Variants in RCSD1 observed in about 807,000 individuals in gnomAD.
The protein encoded by RCSD1 is capZ-interacting protein.
In RCSD1, 26 loss-of-function variants were observed where a neutral mutation model predicts 42.5. That is an observed-to-expected ratio of 0.61 (90% CI 0.45 to 0.85). The LOEUF is 0.85. Ranked by LOEUF, RCSD1 falls within the 40% of genes least tolerant of loss-of-function variation. RCSD1 has a pLI of 0.00. For synonymous variants in RCSD1, 220 were observed against 212.2 expected (o/e 1.04, Z -0.32); for missense variants, 571 against 528.3 (o/e 1.08, Z -0.79).
intron 3 of RCSD1, 52 bp downstream of exon 3, chr1:167,685,562 C>T (rs1368590596): frequency 6.6e-7 from 1 of 1,504,420 alleles, no homozygotes; most frequent in Non-Finnish European, 9.2e-7. Context: ...TTTCTTTCCT[C>T]TTCTTGAGGA....
At chr1:167,703,956 C>T (rs953664608) in intron 6 of RCSD1, among the ~76,000 whole-genome samples, 1 of 152,124 alleles carries the variant, frequency 6.6e-6, no homozygotes, top group Admixed American at 6.5e-5. Flanking sequence ...AGGACAAATG[C>T]CCCCCTGCTC....
intron 1 of RCSD1, among the ~76,000 whole-genome samples, chr1:167,659,047 G>A (rs1250373289): frequency 2.0e-5 from 3 of 151,954 alleles, no homozygotes; most frequent in Non-Finnish European, 4.4e-5. Flanking sequence ...TTCCCCAACC[G>A]CAATTGCTAT....
At chr1:167,671,408 T>G (rs1658803374) in intron 1 of RCSD1, among the ~76,000 whole-genome samples, 1 of 152,068 alleles carries the variant, frequency 6.6e-6, no homozygotes, top group Non-Finnish European at 1.5e-5. Flanking sequence ...TTGCCAGAGG[T>G]TCTTTCTTTC....
At chr1:167,639,182 A>T (rs1420325647) in intron 1 of RCSD1, among the ~76,000 whole-genome samples, 2 of 152,176 alleles carry the variant, frequency 1.3e-5, no homozygotes, top group African/African-American at 4.8e-5. Context: ...ACGCCACTGC[A>T]CTCCAGCCTG....
chr1:167,690,961 C>T (rs1003187103), intron 4 of RCSD1, among the ~76,000 whole-genome samples: 2 of 152,178 alleles, frequency 1.3e-5, no homozygotes, highest in East Asian at 1.9e-4. Flanking sequence ...AAGCAGAAGA[C>T]ACTGGTCCTG....
chr1:167,643,288 A>G (rs890388071), intron 1 of RCSD1, among the ~76,000 whole-genome samples: 5 of 152,220 alleles, frequency 3.3e-5, no homozygotes, highest in African/African-American at 1.2e-4. Context: ...CTCTGTGCCT[A>G]GTGGAAGGTG....
Position 167,707,582 on chromosome 1 carries a change from C to CT in RCSD1, c.*2896dup, listed in dbSNP as rs892163959. 8.0e-5 allele frequency among the ~76,000 whole-genome samples: 12 copies of CT among 149,714 alleles called. No individual in the cohort carries two copies. Among genetic ancestry groups the CT allele is most frequent in the East Asian group, 2.0e-4 (1 of 5,126 alleles). Reference sequence around the variant, plus strand: ...TGCTTTCCCTCGTATTGGCCATATTCTTTTTTTTTTCTTTTTTAAAAACTT... The same window carrying CT: ...TGCTTTCCCTCGTATTGGCCATATTCTTTTTTTTTTTCTTTTTTAAAAACTT... On this transcript the variant is annotated 3_prime_UTR_variant, in exon 7 of 7. Transcript: ENST00000367854.
At chr1:167,661,767 A>G (rs1467632366) in intron 1 of RCSD1, among the ~76,000 whole-genome samples, 1 of 152,254 alleles carries the variant, frequency 6.6e-6, no homozygotes, top group Non-Finnish European at 1.5e-5. Context: ...CCAGTATCCA[A>G]AAAGAGATTC....
At chr1:167,685,922 C>T (rs143002078) in intron 3 of RCSD1, among the ~76,000 whole-genome samples, 17 of 152,184 alleles carry the variant, frequency 1.1e-4, no homozygotes, top group Non-Finnish European at 1.8e-4. Context: ...TAGGGCAGGA[C>T]GGAAGCATGA....
In RCSD1 at chr1:167,630,375, C is replaced by T. The variant is rs1194641844; in HGVS notation, c.-49C>T. On this transcript the variant is annotated 5_prime_UTR_variant, in exon 1 of 7. Transcript: ENST00000367854. Reference sequence around the variant, plus strand: ...AGGGGACAGCGGGGATCGTGAGCTCCGGCCCGGGCGAGCGGGTGCGTCTGC... The same window carrying T: ...AGGGGACAGCGGGGATCGTGAGCTCTGGCCCGGGCGAGCGGGTGCGTCTGC... 8.1e-6 allele frequency: 12 copies of T among 1,487,502 alleles called. No homozygotes were observed. Among genetic ancestry groups the T allele is most frequent in the Non-Finnish European group, 1.1e-5 (12 of 1,111,724 alleles). The allele number at this position is 1,487,502 out of a possible 1,614,324, so 92.1% of individuals were successfully genotyped here. A position where few individuals can be genotyped will look rare whatever the true frequency, so the allele number is the denominator to read the frequency against.
intron 1 of RCSD1, among the ~76,000 whole-genome samples, chr1:167,680,514 C>T (rs1659055457): frequency 6.6e-6 from 1 of 151,696 alleles, no homozygotes; most frequent in African/African-American, 2.4e-5. Context: ...CTCTGTTGCC[C>T]CAGGCAGGAG....
chr1:167,651,036 G>C (rs915742501), intron 1 of RCSD1, among the ~76,000 whole-genome samples: 1 of 152,296 alleles, frequency 6.6e-6, no homozygotes, highest in African/African-American at 2.4e-5. Flanking sequence ...GTCTTCACGT[G>C]GTCTTCTCTC....
chr1:167,630,494 G>A lies in RCSD1; in HGVS notation c.6+65G>A, dbSNP rs1285710104. 10 of 1,460,686 alleles carry A rather than the reference G, an allele frequency of 6.8e-6. No individual in the cohort carries two copies. The Admixed American group carries it at 9.4e-5, about 14-fold the overall frequency. The allele number at this position is 1,460,686 out of a possible 1,614,324, so 90.5% of individuals were successfully genotyped here. ...GCGGTGTATCGGGCGCCCCTTCCCC[G>A]GGCGGCTGCCCCTGCCCTGAGCATG... On this transcript the variant is annotated intron_variant, in intron 1 of 6. Coordinates refer to ENST00000367854, the MANE Select transcript of RCSD1 (RefSeq NM_052862.4).
At chr1:167,678,436 A>G (rs977122299) in intron 1 of RCSD1, among the ~76,000 whole-genome samples, 1 of 126,158 alleles carries the variant, frequency 7.9e-6, no homozygotes, top group Non-Finnish European at 1.6e-5. Flanking sequence ...CAAATACCCC[A>G]TGCATCCCGT....
intron 1 of RCSD1, among the ~76,000 whole-genome samples, chr1:167,679,494 T>A (rs1659028528): frequency 6.6e-6 from 1 of 152,206 alleles, no homozygotes. Flanking sequence ...TCAGAGAGAT[T>A]CTATGGTGGT....
In RCSD1 at chr1:167,677,038, A is replaced by C. The variant is rs78797689; in HGVS notation, c.7-6862A>C. ...GGACCTGCCATTTTCAGATCCTTAA[A>C]GCCTACAAGTGGTTAGGTAGGGGAC... On this transcript the variant is annotated intron_variant, in intron 1 of 6. Transcript: ENST00000367854. Among the ~76,000 whole-genome samples the C allele has an allele frequency of 7.0e-3, 1,060 of 152,350 alleles. 9 individuals carry two copies. Among genetic ancestry groups the C allele is most frequent in the African/African-American group, 0.024 (1,010 of 41,574 alleles).
intron 1 of RCSD1, among the ~76,000 whole-genome samples, chr1:167,646,656 A>G (rs961961051): frequency 3.9e-5 from 6 of 152,100 alleles, no homozygotes; most frequent in Admixed American, 1.3e-4. Flanking sequence ...TGCATTAGCT[A>G]TTGTCCTGAT....
At chr1:167,636,423 C>A (rs145575341) in intron 1 of RCSD1, among the ~76,000 whole-genome samples, 1 of 152,220 alleles carries the variant, frequency 6.6e-6, no homozygotes, top group Admixed American at 6.5e-5. Flanking sequence ...TTTGAGTCAG[C>A]ATCATAGATG....
At chr1:167,636,713 A>G (rs1657865229) in intron 1 of RCSD1, among the ~76,000 whole-genome samples, 1 of 152,072 alleles carries the variant, frequency 6.6e-6, no homozygotes, top group Non-Finnish European at 1.5e-5. Flanking sequence ...CAGCCTCCCA[A>G]GTAGCTGGGA....
Sources: gnomAD v4.1 joint callset for allele counts (sites outside exome capture counted in the v4.1 genomes callset) on GRCh38, gnomAD v4.1.1 for gene constraint, MANE v1.5 for transcripts, NCBI Gene and HGNC (gene_info 2026-07-23, HGNC 2026-07-21) for gene names.